WWC2: variants seen among roughly 807,000 people sequenced by gnomAD.
WWC2 encodes protein WWC2.
In WWC2, 101 loss-of-function variants were observed where a neutral mutation model predicts 138.5. The observed-to-expected ratio is 0.73, with a 90% CI of 0.62 to 0.86. The LOEUF is 0.86. Among genes scored for constraint, WWC2 ranks in the 40% least tolerant of loss-of-function variants. The pLI is 0.00. For missense variants in WWC2, 1,420 were observed against 1,419.4 expected, an observed-to-expected ratio of 1.00 and a Z score of -0.01; for synonymous variants, 558 against 538.4, an observed-to-expected ratio of 1.04 and a Z score of -0.50.
intron 1 of WWC2, among the ~76,000 whole-genome samples, chr4:183,122,425 ACT>A (rs1336733961): frequency 6.6e-6 from 1 of 152,192 alleles, no homozygotes; most frequent in African/African-American, 2.4e-5. Context: ...TAAAATTAAA[ACT>A]CTGACATGAC....
At chr4:183,155,189 G>GGGGAGAGAGAGAGAGA (rs1554067851) in intron 1 of WWC2, among the ~76,000 whole-genome samples, 31 of 103,724 alleles carry the variant, frequency 3.0e-4, no homozygotes, top group African/African-American at 9.9e-4. Context: ...CATCTTCTGA[G>GGGGAGAGAGAGAGAGA]GAGAGAGAGA....
At chr4:183,281,121 T>TGCTAA in intron 17 of WWC2, 1 of 553,506 alleles carries the variant, frequency 1.8e-6, no homozygotes. Context: ...TTTGTTCTTG[T>TGCTAA]TTCGAGTAAT....
Position 183,226,875 on chromosome 4 carries a change from GATT to G in WWC2, c.523-13307_523-13305del, listed in dbSNP as rs980781832. Among the ~76,000 whole-genome samples, 12 of 152,186 alleles carry G rather than the reference GATT, an allele frequency of 7.9e-5. 1 individual carries two copies. Among genetic ancestry groups the G allele is most frequent in the African/African-American group, 2.9e-4 (12 of 41,440 alleles). ...CAAGTCTGGATAAGGTAGAAAGAAA[GATT>G]TCATAGAGACTGTACACCGGGTTCA... is the stretch of plus-strand genomic sequence containing the variant. On this transcript the variant is annotated intron_variant, in intron 4 of 22. Coordinates refer to ENST00000403733, the MANE Select transcript of WWC2 (RefSeq NM_024949.6).
At chr4:183,296,072 C>T (rs1738621884) in intron 21 of WWC2, among the ~76,000 whole-genome samples, 1 of 152,206 alleles carries the variant, frequency 6.6e-6, no homozygotes, top group South Asian at 2.1e-4. Context: ...TGCTGGCTAA[C>T]ATACCTGACG....
intron 5 of WWC2, 109 bp downstream of exon 5, chr4:183,240,371 GT>G: frequency 1.3e-6 from 1 of 786,566 alleles, no homozygotes; most frequent in Non-Finnish European, 1.8e-6. Context: ...GAAACGTAAA[GT>G]AAAAAAGTTC....
chr4:183,255,908 C>T (rs1485613834), intron 9 of WWC2, among the ~76,000 whole-genome samples: 1 of 148,402 alleles, frequency 6.7e-6, no homozygotes, highest in African/African-American at 2.6e-5. Flanking sequence ...CAGCCCAAAC[C>T]TCACCAGAGA....
intron 19 of WWC2, among the ~76,000 whole-genome samples, chr4:183,284,629 G>A (rs1024988766): frequency 8.5e-5 from 13 of 152,144 alleles, no homozygotes; most frequent in Non-Finnish European, 1.9e-4. Context: ...GCAAGTAAGC[G>A]AAGTTTAAGG....
intron 1 of WWC2, among the ~76,000 whole-genome samples, chr4:183,124,724 A>G (rs553638991): frequency 1.7e-4 from 26 of 151,080 alleles, no homozygotes; most frequent in African/African-American, 6.3e-4. Flanking sequence ...CGAGTAGCTG[A>G]GATTACAGGC....
At chr4:183,268,891 G>A in intron 14 of WWC2, 80 bp from the exon 15 acceptor site, 1 of 1,367,760 alleles carries the variant, frequency 7.3e-7, no homozygotes, top group Non-Finnish European at 1.0e-6. Context: ...TTCTCTCTTT[G>A]CAGATAATTT....
chr4:183,200,838 T>G (rs1435857936), intron 2 of WWC2, among the ~76,000 whole-genome samples: 2 of 152,176 alleles, frequency 1.3e-5, no homozygotes, highest in African/African-American at 4.8e-5. Flanking sequence ...TAACCTAATC[T>G]CAGAAGTAAT....
intron 1 of WWC2, among the ~76,000 whole-genome samples, chr4:183,166,346 T>A (rs1396061281): frequency 6.6e-6 from 1 of 152,222 alleles, no homozygotes; most frequent in Admixed American, 6.5e-5. Flanking sequence ...ATAAATGTCA[T>A]GTCTGTCAAG....
chr4:183,180,224 C>G (rs1160507949), intron 1 of WWC2, among the ~76,000 whole-genome samples: 2 of 152,236 alleles, frequency 1.3e-5, no homozygotes, highest in East Asian at 3.9e-4. Context: ...TCTCCTTGAC[C>G]TCTCCTGGGC....
At chr4:183,148,638 T>C (rs1733542707) in intron 1 of WWC2, among the ~76,000 whole-genome samples, 1 of 152,238 alleles carries the variant, frequency 6.6e-6, no homozygotes, top group African/African-American at 2.4e-5. Flanking sequence ...TTCGCTTCTT[T>C]CTAGATATCT....
intron 1 of WWC2, among the ~76,000 whole-genome samples, chr4:183,172,992 T>C (rs759332497): frequency 1.3e-5 from 2 of 152,078 alleles, no homozygotes; most frequent in African/African-American, 4.8e-5. Flanking sequence ...TAAATTCTTT[T>C]CTCCAAATAT....
chr4:183,260,371 G>A (rs1450805181), intron 10 of WWC2, among the ~76,000 whole-genome samples: 2 of 152,178 alleles, frequency 1.3e-5, no homozygotes, highest in Non-Finnish European at 2.9e-5. Flanking sequence ...AAGAGTATTT[G>A]GAGAGCAAGG....
intron 1 of WWC2, among the ~76,000 whole-genome samples, chr4:183,173,643 C>T (rs1355760174): frequency 6.6e-6 from 1 of 151,704 alleles, no homozygotes; most frequent in Non-Finnish European, 1.5e-5. Flanking sequence ...GCACGTCTCC[C>T]CTACCTGGAT....
intron 11 of WWC2, among the ~76,000 whole-genome samples, 180 bp from the exon 12 acceptor site, chr4:183,264,798 G>T (rs1041888664): frequency 1.3e-5 from 2 of 152,136 alleles, no homozygotes; most frequent in African/African-American, 2.4e-5. Context: ...TGGCGTCCCA[G>T]GAATCTTATA....
intron 1 of WWC2, among the ~76,000 whole-genome samples, chr4:183,162,802 T>G (rs559830180): frequency 1.2e-4 from 18 of 152,300 alleles, no homozygotes; most frequent in South Asian, 2.1e-4. Context: ...TAATCTAGGT[T>G]AGTGGTTATT....
At chr4:183,146,985 A>G (rs929084829) in intron 1 of WWC2, among the ~76,000 whole-genome samples, 1 of 152,210 alleles carries the variant, frequency 6.6e-6, no homozygotes, top group Non-Finnish European at 1.5e-5. Context: ...ACTTGGAAAC[A>G]CTTGGAAAGC....
Sources: gnomAD v4.1 joint callset for allele counts (sites outside exome capture counted in the v4.1 genomes callset) on GRCh38, gnomAD v4.1.1 for gene constraint, MANE v1.5 for transcripts, NCBI Gene and HGNC (gene_info 2026-07-23, HGNC 2026-07-21) for gene names.